The following LRRC7 variants were observed in gnomAD, a reference collection of about 807,000 sequenced individuals.
LRRC7 encodes the protein leucine rich repeat containing 7.
Under a neutral mutation model 175.7 loss-of-function variants are expected in LRRC7, and 23 were observed. That is an observed-to-expected ratio of 0.13 (90% CI 0.09 to 0.19). The LOEUF is 0.19. Among genes scored for constraint, LRRC7 ranks in the 10% least tolerant of loss-of-function variants. LRRC7 has a pLI of 1.00. For synonymous variants in LRRC7, 685 were observed against 680.9 expected (o/e 1.01, Z -0.09); for missense variants, 1,354 against 1,904.7 (o/e 0.71, Z 5.38).
Position 70,129,533 on chromosome 1 carries a change from T to TG in LRRC7, c.*7653dup, listed in dbSNP as rs576220036. 9.2e-5 allele frequency among the ~76,000 whole-genome samples: 14 copies of TG among 152,030 alleles called. No individual in the cohort carries two copies. The highest frequency in any genetic ancestry group is 4.2e-4 in the South Asian group (2 of 4,800). On this transcript the variant is annotated 3_prime_UTR_variant, in exon 27 of 27. Transcript: ENST00000651989. ...ATGGAATTCAACACTTTAAAAAGTGTGGGGGGGTTGCTTGAAAAGAGTCTT... is the reference window on the plus strand; with the variant it reads ...ATGGAATTCAACACTTTAAAAAGTGTGGGGGGGGTTGCTTGAAAAGAGTCTT...
intron 2 of LRRC7, among the ~76,000 whole-genome samples, chr1:69,713,511 G>T (rs1665017101): frequency 6.6e-6 from 1 of 151,806 alleles, no homozygotes; most frequent in Non-Finnish European, 1.5e-5. Context: ...CAAACAGAAA[G>T]AGCTTATTTT....
At chr1:69,799,906 G>T (rs1174776388) in intron 4 of LRRC7, among the ~76,000 whole-genome samples, 1 of 151,980 alleles carries the variant, frequency 6.6e-6, no homozygotes, top group African/African-American at 2.4e-5. Flanking sequence ...AATACATTTT[G>T]AGTTGATTTC....
intron 1 of LRRC7, among the ~76,000 whole-genome samples, chr1:69,648,198 G>A (rs1655273742): frequency 1.3e-5 from 2 of 152,228 alleles, no homozygotes; most frequent in Admixed American, 1.3e-4. Flanking sequence ...TGATTGTTTG[G>A]AGGTTTAAAT....
At chr1:69,955,410 G>T (rs1650388312) in intron 8 of LRRC7, among the ~76,000 whole-genome samples, 2 of 152,058 alleles carry the variant, frequency 1.3e-5, no homozygotes, top group Admixed American at 1.3e-4. Flanking sequence ...GCTAAGAAAA[G>T]GAGGAGGAGT....
At chr1:69,839,122 G>A in intron 7 of LRRC7, 1 of 226,892 alleles carries the variant, frequency 4.4e-6, no homozygotes, top group South Asian at 4.5e-5. Flanking sequence ...TTCATCTGCT[G>A]AACCAAAATG....
chr1:69,944,642 A>G (rs944842160), intron 8 of LRRC7, among the ~76,000 whole-genome samples: 1 of 151,948 alleles, frequency 6.6e-6, no homozygotes, highest in African/African-American at 2.4e-5. Context: ...TAAGAGTTCC[A>G]ATTTCCCCCA....
chr1:69,715,475 T>C (rs530756567), intron 2 of LRRC7, among the ~76,000 whole-genome samples: 4 of 152,204 alleles, frequency 2.6e-5, no homozygotes, highest in African/African-American at 7.2e-5. Context: ...TATGTTTATC[T>C]CCATCAGTCT....
intron 1 of LRRC7, among the ~76,000 whole-genome samples, chr1:69,636,621 G>T (rs1450795822): frequency 6.6e-6 from 1 of 151,698 alleles, no homozygotes; most frequent in African/African-American, 2.4e-5. Flanking sequence ...GGCTATAAAG[G>T]GAATGTTTCT....
chr1:70,107,307 C>G (rs1346994904), intron 25 of LRRC7, among the ~76,000 whole-genome samples: 1 of 152,100 alleles, frequency 6.6e-6, no homozygotes, highest in Non-Finnish European at 1.5e-5. Flanking sequence ...ATATATAATT[C>G]TAGTAAAGCT....
chr1:70,020,121 CTTAAA>C (rs1470080928), intron 15 of LRRC7, among the ~76,000 whole-genome samples: 1 of 151,908 alleles, frequency 6.6e-6, no homozygotes, highest in Admixed American at 6.6e-5. Flanking sequence ...TTTCCTCGAA[CTTAAA>C]TTAAGTCATC....
intron 1 of LRRC7, among the ~76,000 whole-genome samples, chr1:69,664,785 C>T (rs577057048): frequency 1.8e-4 from 28 of 152,218 alleles, no homozygotes; most frequent in Non-Finnish European, 3.4e-4. Flanking sequence ...GTATCCTTTG[C>T]TGTGCAGAAA....
chr1:69,888,494 C>A (rs2101635800), intron 7 of LRRC7, among the ~76,000 whole-genome samples: 1 of 152,212 alleles, frequency 6.6e-6, no homozygotes, highest in Admixed American at 6.5e-5. Flanking sequence ...GTGCGCGCAC[C>A]CACTGACCTG....
At chr1:69,608,689 T>C (rs1648060270) in intron 1 of LRRC7, among the ~76,000 whole-genome samples, 2 of 151,864 alleles carry the variant, frequency 1.3e-5, no homozygotes, top group African/African-American at 4.8e-5. Flanking sequence ...TGCTGAGTGA[T>C]TGACATACAG....
intron 1 of LRRC7, among the ~76,000 whole-genome samples, chr1:69,610,108 C>G (rs1181804183): frequency 6.6e-6 from 1 of 152,030 alleles, no homozygotes; most frequent in African/African-American, 2.4e-5. Flanking sequence ...ATATCTCTGA[C>G]AGATAAGAAC....
At chr1:70,022,520 T>G (rs1657617788) in intron 16 of LRRC7, 1 of 152,200 alleles carries the variant, frequency 6.6e-6, no homozygotes, top group Non-Finnish European at 1.5e-5. Flanking sequence ...TGTTATGTGT[T>G]CAAGTTTGTT....
intron 2 of LRRC7, among the ~76,000 whole-genome samples, chr1:69,709,539 A>G (rs1367851454): frequency 6.6e-6 from 1 of 152,204 alleles, no homozygotes; most frequent in Non-Finnish European, 1.5e-5. Flanking sequence ...CTCTAGCTCC[A>G]TAGTGCCTAG....
At chr1:69,604,092 G>A (rs998891067) in intron 1 of LRRC7, among the ~76,000 whole-genome samples, 4 of 151,404 alleles carry the variant, frequency 2.6e-5, no homozygotes, top group African/African-American at 7.3e-5. Context: ...CCTTTTCTTC[G>A]GACCTGGGGA....
Position 69,781,733 on chromosome 1 carries a change from A to AG in LRRC7, c.304-10310_304-10309insG, listed in dbSNP as rs1673596593. Among the ~76,000 whole-genome samples the AG allele has an allele frequency of 4.2e-4, 10 of 23,542 alleles. 2 individuals are homozygous for AG. The highest frequency in any genetic ancestry group is 1.9e-3 in the East Asian group (1 of 522). The allele number at this position is 23,542 out of a possible 152,430, so 15.4% of individuals were successfully genotyped here. A position where few individuals can be genotyped will look rare whatever the true frequency, so the allele number is the denominator to read the frequency against. On this transcript the variant is annotated intron_variant, in intron 3 of 26. Transcript: ENST00000651989. Reference sequence around the variant, plus strand: ...AAAGAAAGAAAGAAAGAAAGAAAGAAAGAGAGAGAGAGAGAGAGAGAGAGA... The same window carrying AG: ...AAAGAAAGAAAGAAAGAAAGAAAGAAGAGAGAGAGAGAGAGAGAGAGAGAGA...
intron 7 of LRRC7, among the ~76,000 whole-genome samples, chr1:69,916,707 G>T (rs935893111): frequency 2.6e-5 from 4 of 152,002 alleles, no homozygotes; most frequent in African/African-American, 4.8e-5. Context: ...ATTCATTCAT[G>T]CCTGTGTAAA....
Sources: gnomAD v4.1 joint callset for allele counts (sites outside exome capture counted in the v4.1 genomes callset) on GRCh38, gnomAD v4.1.1 for gene constraint, MANE v1.5 for transcripts, NCBI Gene and HGNC (gene_info 2026-07-23, HGNC 2026-07-21) for gene names.